The following SORT1 variants were observed in gnomAD, a reference collection of about 807,000 sequenced individuals.
SORT1 encodes sortilin.
Under a neutral mutation model 101.7 loss-of-function variants are expected in SORT1, and 39 were observed. That is an observed-to-expected ratio of 0.38 (90% confidence interval 0.30 to 0.50). The LOEUF is 0.50. Ranked by LOEUF, SORT1 falls within the 20% of genes least tolerant of loss-of-function variation. The probability of loss-of-function intolerance (pLI) is 0.90; values close to 1 mark genes in which losing one functional copy is unlikely to be tolerated. For missense variants in SORT1, 878 were observed against 1,040.4 expected, an observed-to-expected ratio of 0.84 and a Z score of 2.15; for synonymous variants, 396 against 393.7, an observed-to-expected ratio of 1.01 and a Z score of -0.07.
At chr1:109,348,171 G>T (rs922405300) in intron 6 of SORT1, among the ~76,000 whole-genome samples, 2 of 152,086 alleles carry the variant, frequency 1.3e-5, no homozygotes, top group African/African-American at 2.4e-5. Flanking sequence ...CATCTCAAAT[G>T]GACAACTAGG....
intron 17 of SORT1, among the ~76,000 whole-genome samples, chr1:109,315,748 CTTTTTTTTTTT>C (rs553898685): frequency 3.2e-5 from 4 of 124,732 alleles, no homozygotes; most frequent in African/African-American, 1.2e-4. Flanking sequence ...GCCTCATAAC[CTTTTTTTTTTT>C]TTTTTTTTTT....
At chr1:109,366,874 T>G (rs1356564743) in intron 3 of SORT1, 2 of 150,830 alleles carry the variant, frequency 1.3e-5, no homozygotes, top group South Asian at 4.2e-4. Context: ...TTTGCGCCAC[T>G]GCTCTCCAGC....
intron 1 of SORT1, among the ~76,000 whole-genome samples, chr1:109,372,006 G>A (rs1651508147): frequency 6.6e-6 from 1 of 152,162 alleles, no homozygotes; most frequent in South Asian, 2.1e-4. Context: ...CAAAGGTTAA[G>A]CAGAAAGAAA....
At chr1:109,329,342 C>G (rs1343785092) in intron 11 of SORT1, among the ~76,000 whole-genome samples, 1 of 152,212 alleles carries the variant, frequency 6.6e-6, no homozygotes, top group Non-Finnish European at 1.5e-5. Flanking sequence ...CAAGCTCTGC[C>G]TCCTGGGTTC....
chr1:109,345,851 C>CCAGA lies in SORT1; in HGVS notation c.862_863insTCTG (p.Arg288IlefsTer34). 6.2e-7 allele frequency: 1 copy of CCAGA among 1,613,158 alleles called. No homozygotes were observed. The highest frequency in any genetic ancestry group is 8.5e-7 in the Non-Finnish European group (1 of 1,179,282). On this transcript the variant is annotated frameshift_variant, in exon 8 of 20. Coordinates refer to ENST00000256637, the MANE Select transcript of SORT1 (RefSeq NM_002959.7). LOFTEE classifies it high-confidence loss of function. ...GAAGCTTTTTCCCAAGTCTGAAGTTCTCCATAATTCCAGAGCCCCAAGGTC... is the reference window on the plus strand; with the variant it reads ...GAAGCTTTTTCCCAAGTCTGAAGTTCCAGATCCATAATTCCAGAGCCCCAAGGTC...
intron 1 of SORT1, 51 bp from the exon 2 acceptor site, chr1:109,369,640 T>A (rs1482855985): frequency 1.7e-6 from 2 of 1,144,584 alleles, no homozygotes. Context: ...TCTCCTTCAA[T>A]CTTTGGCTTC....
intron 3 of SORT1, among the ~76,000 whole-genome samples, chr1:109,355,779 T>A (rs561684917): frequency 6.6e-6 from 1 of 152,046 alleles, no homozygotes; most frequent in Non-Finnish European, 1.5e-5. Context: ...CTCCCACTTA[T>A]GATAGCTACC....
At chr1:109,339,164 A>C (rs899887625) in intron 10 of SORT1, among the ~76,000 whole-genome samples, 1 of 152,194 alleles carries the variant, frequency 6.6e-6, no homozygotes, top group Non-Finnish European at 1.5e-5. Context: ...GGTGTGAGCC[A>C]CCGCGCCCAG....
In SORT1 at chr1:109,377,640, G is replaced by C. The variant is rs1049086604; in HGVS notation, c.307-8051C>G. Among the ~76,000 whole-genome samples, 3 of 152,296 alleles carry C rather than the reference G, an allele frequency of 2.0e-5. No individual in the cohort carries two copies. The South Asian group carries it at 6.2e-4, about 32-fold the overall frequency. Reference sequence around the variant, plus strand: ...ACATTGGTAAAGATGCCCTGAACACGTCGAAGTGTTTAGAGGCACTGAGCA... The same window carrying C: ...ACATTGGTAAAGATGCCCTGAACACCTCGAAGTGTTTAGAGGCACTGAGCA... On this transcript the variant is annotated intron_variant, in intron 1 of 19. Transcript: ENST00000256637.
chr1:109,343,532 T>C (rs1649369957), intron 8 of SORT1, among the ~76,000 whole-genome samples: 1 of 152,210 alleles, frequency 6.6e-6, no homozygotes, highest in Non-Finnish European at 1.5e-5. Context: ...CTCCAGAAGG[T>C]ATCATCTGGT....
intron 3 of SORT1, among the ~76,000 whole-genome samples, chr1:109,366,397 A>C (rs1651090918): frequency 6.6e-6 from 1 of 152,210 alleles, no homozygotes; most frequent in Non-Finnish European, 1.5e-5. Flanking sequence ...GAAGATTTTC[A>C]TTTCAGGAAT....
intron 1 of SORT1, among the ~76,000 whole-genome samples, chr1:109,375,303 C>T (rs1160610905): frequency 2.6e-5 from 4 of 152,080 alleles, no homozygotes; most frequent in Admixed American, 1.3e-4. Context: ...TGGCTCACGC[C>T]TGTAATCCCA....
Position 109,311,447 on chromosome 1 carries a change from A to C in SORT1, c.*2596T>G, listed in dbSNP as rs780153471. 1 of 152,228 alleles carries C rather than the reference A, an allele frequency of 6.6e-6. No homozygotes were observed. The highest frequency in any genetic ancestry group is 1.5e-5 in the Non-Finnish European group (1 of 68,040). 9.4% of individuals were successfully genotyped at this position (152,228 alleles called of 1,614,324 possible). On this transcript the variant is annotated 3_prime_UTR_variant, in exon 20 of 20. Transcript: ENST00000256637. Reference sequence around the variant, plus strand: ...TTTGGGCTTTCTTACTCTCTGGCTGAGGGCACACATTTGTGAGTGAGCAGG... The same window carrying C: ...TTTGGGCTTTCTTACTCTCTGGCTGCGGGCACACATTTGTGAGTGAGCAGG...
chr1:109,388,370 C>CT (rs754955174), intron 1 of SORT1, among the ~76,000 whole-genome samples: 32 of 152,086 alleles, frequency 2.1e-4, no homozygotes, highest in Non-Finnish European at 2.2e-4. Flanking sequence ...TCTTGTGTGG[C>CT]TAGGGCTACC....
At chr1:109,375,345 G>A (rs1286121166) in intron 1 of SORT1, among the ~76,000 whole-genome samples, 1 of 151,874 alleles carries the variant, frequency 6.6e-6, no homozygotes, top group Non-Finnish European at 1.5e-5. Context: ...GGCAGATCAC[G>A]AGGTCAGGAG....
rs1444986417 is a variant in SORT1, at chr1:109,323,004, C to T, written c.1952G>A (p.Cys651Tyr). The T allele has an allele frequency of 6.2e-7, 1 of 1,614,256 alleles. No homozygotes were observed. Among genetic ancestry groups the T allele is most frequent in the Admixed American group, 1.7e-5 (1 of 60,032 alleles). ...QFLRLRKSSV[C>Y]QNGRDYVVTK... ...CACAACATAGTCTCGACCATTCTGA[C>T]ACACGGATGACTTGCGTAGCCGCAG... Residue 651 changes from cysteine (C) to tyrosine (Y), a missense_variant, in exon 15 of 20, where the codon TGT (cysteine) becomes TAT (tyrosine). Cys to Tyr is a radical substitution (Grantham distance 194). Around this residue, in one of 2 missense-constraint regions of SORT1, gnomAD observed 684 missense variants for 894.5 expected, o/e 0.76. Coordinates refer to ENST00000256637, the MANE Select transcript of SORT1 (RefSeq NM_002959.7).
chr1:109,340,898 C>A lies in SORT1; in HGVS notation c.1109-19G>T, dbSNP rs1317270361. 1.9e-6 allele frequency: 3 copies of A among 1,594,054 alleles called. No homozygotes were observed. The highest frequency in any genetic ancestry group is 2.7e-5 in the African/African-American group (2 of 74,202). The stretch of plus-strand genomic sequence containing the variant: ...CCAGTGTCTGAAATAGGCAAACAAA[C>A]AAAAATACTAAGTCTTGGGTGGAAC... On this transcript the variant is annotated intron_variant, in intron 9 of 19. Transcript: ENST00000256637.
chr1:109,346,087 G>A lies in SORT1; in HGVS notation c.833-206C>T, dbSNP rs537557278. Among the ~76,000 whole-genome samples, 12 of 152,066 alleles carry A rather than the reference G, an allele frequency of 7.9e-5. No homozygotes were observed. The South Asian group carries it at 1.7e-3, about 21-fold the overall frequency. ...AGCACTTTGGGAGGCTGAGGTGGGCGGATCACGAGGTCAGGAGATAGAGAC... is the reference window on the plus strand; with the variant it reads ...AGCACTTTGGGAGGCTGAGGTGGGCAGATCACGAGGTCAGGAGATAGAGAC... On this transcript the variant is annotated intron_variant, in intron 7 of 19. Transcript: ENST00000256637.
At chr1:109,374,029 C>T (rs1651660007) in intron 1 of SORT1, among the ~76,000 whole-genome samples, 2 of 152,106 alleles carry the variant, frequency 1.3e-5, no homozygotes, top group African/African-American at 4.8e-5. Context: ...TTTGAGGCTA[C>T]AGTGAGCTAT....
Sources: allele counts gnomAD v4.1 joint callset (sites outside exome capture counted in the v4.1 genomes callset), GRCh38; gene constraint gnomAD v4.1.1; regional missense constraint gnomAD v4.1.1; transcripts MANE v1.5; gene names NCBI Gene and HGNC (gene_info 2026-07-23, HGNC 2026-07-21).